Variants in RERE observed in about 807,000 individuals in gnomAD.
The protein encoded by RERE is arginine-glutamic acid dipeptide repeats protein.
Under a neutral mutation model 146.1 loss-of-function variants are expected in RERE, and 40 were observed. The observed-to-expected ratio is 0.27, with a 90% confidence interval of 0.21 to 0.36. RERE has a LOEUF of 0.36. RERE is among the 10% of genes least tolerant of loss of function. The probability of loss-of-function intolerance (pLI) is 1.00; values close to 1 mark genes in which losing one functional copy is unlikely to be tolerated. For synonymous variants in RERE, 1,003 were observed against 866.0 expected (o/e 1.16, Z -2.78); for missense variants, 1,933 against 2,138.7 (o/e 0.90, Z 1.90).
chr1:8,392,834 G>A (rs542298645), intron 12 of RERE, among the ~76,000 whole-genome samples: 11 of 152,144 alleles, frequency 7.2e-5, no homozygotes, highest in Non-Finnish European at 1.5e-4. Flanking sequence ...TCAGCTCTTC[G>A]TGAAGCAGCC....
intron 9 of RERE, among the ~76,000 whole-genome samples, chr1:8,495,582 G>A (rs972253479): frequency 4.6e-5 from 7 of 152,216 alleles, no homozygotes; most frequent in African/African-American, 9.6e-5. Context: ...AAAGTGCTGG[G>A]ATTACAGGCG....
At chr1:8,537,598 A>G (rs1557677775) in intron 7 of RERE, among the ~76,000 whole-genome samples, 1 of 152,336 alleles carries the variant, frequency 6.6e-6, no homozygotes, top group South Asian at 2.1e-4. Flanking sequence ...ATTACTATAG[A>G]TGCTTTATCA....
intron 12 of RERE, chr1:8,381,031 G>A (rs748099648): frequency 3.4e-4 from 157 of 456,494 alleles, no homozygotes; most frequent in Non-Finnish European, 5.3e-4. Context: ...CAGACACCTG[G>A]AACGCCTTCT....
chr1:8,530,068 C>T (rs887059636), intron 7 of RERE, among the ~76,000 whole-genome samples: 2 of 152,152 alleles, frequency 1.3e-5, no homozygotes, highest in African/African-American at 4.8e-5. Flanking sequence ...TGCCAGCCTG[C>T]AGGGATGTAC....
At chr1:8,711,157 C>CAAAAAAAAA (rs57814312) in intron 1 of RERE, among the ~76,000 whole-genome samples, 23 of 68,266 alleles carry the variant, frequency 3.4e-4, no homozygotes, top group African/African-American at 9.4e-4. Context: ...ACTCTGTCTC[C>CAAAAAAAAA]AAAAAAAAAA....
chr1:8,603,700 A>G (rs1646661595), intron 4 of RERE, among the ~76,000 whole-genome samples: 1 of 152,216 alleles, frequency 6.6e-6, no homozygotes, highest in African/African-American at 2.4e-5. Flanking sequence ...TGAAGTAAAC[A>G]TACTCAAGTT....
chr1:8,360,861 C>T lies in RERE; in HGVS notation c.2646G>A (p.Gln882=). The T allele has an allele frequency of 6.5e-7, 1 of 1,532,814 alleles. No homozygotes were observed. Among genetic ancestry groups the T allele is most frequent in the Non-Finnish European group, 8.7e-7 (1 of 1,145,488 alleles). 95.0% of individuals were successfully genotyped at this position (1,532,814 alleles called of 1,614,324 possible). A position where few individuals can be genotyped will look rare whatever the true frequency, so the allele number is the denominator to read the frequency against. ...FGLPPQASQG[Q]APLGTSPAAA... ...CTGCTGGGGAGGTCCCCAGAGGGGC[C>T]TGGCCTTGGGAGGCCTGGGGAGGGA... The change falls in exon 18 of 23, where the codon CAG becomes CAA. Residue 882 remains glutamine (Q), a synonymous_variant. Transcript: ENST00000400908.
chr1:8,577,868 C>T (rs556723061), intron 4 of RERE, among the ~76,000 whole-genome samples: 1 of 152,048 alleles, frequency 6.6e-6, no homozygotes, highest in African/African-American at 2.4e-5. Flanking sequence ...CCGAGATGGG[C>T]GATCACCTGA....
At chr1:8,416,921 C>T (rs1643791631) in intron 12 of RERE, among the ~76,000 whole-genome samples, 1 of 152,002 alleles carries the variant, frequency 6.6e-6, no homozygotes. Context: ...TCCATTTTAA[C>T]CAGTGATGAG....
At chr1:8,727,265 C>T (rs1285868734) in intron 1 of RERE, among the ~76,000 whole-genome samples, 1 of 152,090 alleles carries the variant, frequency 6.6e-6, no homozygotes, top group African/African-American at 2.4e-5. Flanking sequence ...GCCTCAGCCT[C>T]GTGAGTAGCT....
chr1:8,703,804 C>A (rs1639509645), intron 1 of RERE, among the ~76,000 whole-genome samples: 1 of 152,188 alleles, frequency 6.6e-6, no homozygotes, highest in Non-Finnish European at 1.5e-5. Context: ...GATGAAACAA[C>A]CAACAATCAC....
At chr1:8,701,111 C>A (rs1020627020) in intron 1 of RERE, among the ~76,000 whole-genome samples, 8 of 152,170 alleles carry the variant, frequency 5.3e-5, no homozygotes, top group Non-Finnish European at 7.3e-5. Flanking sequence ...GACCTAACAG[C>A]TGTACACAGT....
rs552655295 is a variant in RERE at position 8,352,819 on chromosome 1, G to C, written c.*2268C>G. ...GTTTTTTAGATGGAAGAATCTCAGC[G>C]CTTCGCCTTGGGATATGGGGAGAAA... On this transcript the variant is annotated 3_prime_UTR_variant, in exon 23 of 23. Coordinates refer to ENST00000400908, the MANE Select transcript of RERE (RefSeq NM_001042681.2). The C allele has an allele frequency of 6.6e-6, 1 of 152,604 alleles. No individual in the cohort carries two copies. Among genetic ancestry groups the C allele is most frequent in the African/African-American group, 2.4e-5 (1 of 41,578 alleles). The allele number at this position is 152,604 out of a possible 1,614,324, so 9.5% of individuals were successfully genotyped here.
At chr1:8,380,921 A>G in intron 12 of RERE, 1 of 456,650 alleles carries the variant, frequency 2.2e-6, no homozygotes, top group South Asian at 1.5e-5. Context: ...GGGAGCCTCC[A>G]TCTCCTACCA....
intron 1 of RERE, among the ~76,000 whole-genome samples, chr1:8,684,099 C>A (rs1004899819): frequency 9.9e-5 from 15 of 152,216 alleles, no homozygotes; most frequent in African/African-American, 3.6e-4. Context: ...TTGGTTTTTA[C>A]CACTGGCCTT....
intron 11 of RERE, among the ~76,000 whole-genome samples, chr1:8,440,282 G>C (rs990940045): frequency 6.6e-6 from 1 of 152,044 alleles, no homozygotes; most frequent in African/African-American, 2.4e-5. Context: ...TGGCAGTCTG[G>C]TAAAGCCTGA....
chr1:8,619,060 G>A (rs1646888210), intron 3 of RERE, among the ~76,000 whole-genome samples: 1 of 152,310 alleles, frequency 6.6e-6, no homozygotes, highest in South Asian at 2.1e-4. Flanking sequence ...CAACGAGAGG[G>A]ATATGGTATT....
intron 7 of RERE, among the ~76,000 whole-genome samples, chr1:8,529,430 C>T (rs1570396033): frequency 6.7e-6 from 1 of 150,116 alleles, no homozygotes; most frequent in African/African-American, 2.4e-5. Context: ...GCTGGGACTA[C>T]AGGTGCCCGC....
intron 1 of RERE, among the ~76,000 whole-genome samples, chr1:8,755,622 G>C (rs750435116): frequency 6.6e-6 from 1 of 152,188 alleles, no homozygotes; most frequent in African/African-American, 2.4e-5. Context: ...GTAGCACATG[G>C]AACTGGGACA....
Sources: gnomAD v4.1 joint callset for allele counts (sites outside exome capture counted in the v4.1 genomes callset) on GRCh38, gnomAD v4.1.1 for gene constraint, MANE v1.5 for transcripts, NCBI Gene and HGNC (gene_info 2026-07-23, HGNC 2026-07-21) for gene names.